Variants in ZXDC observed in about 807,000 individuals in gnomAD.
The protein encoded by ZXDC is ZXD family zinc finger C, also known as zinc finger protein ZXDC.
ZXDC carries 58 observed loss-of-function variants against 63.6 expected under a neutral mutation model. The ratio of observed to expected loss-of-function variants is 0.91; its 90% confidence interval spans 0.74 to 1.13. The LOEUF (loss-of-function observed/expected upper bound fraction) is 1.13, where lower values mean the gene tolerates loss of function less well. Among genes scored for constraint, ZXDC ranks in the 50% most tolerant of loss-of-function variants. The pLI, the probability that ZXDC is intolerant of heterozygous loss-of-function variation, is 0.00. For synonymous variants in ZXDC, 561 were observed against 496.1 expected (o/e 1.13, Z -1.74); for missense variants, 1,133 against 1,148.9 (o/e 0.99, Z 0.20).
At chr3:126,442,579 T>C (rs1002920300) in intron 7 of ZXDC, 3 of 152,268 alleles carry the variant, frequency 2.0e-5, no homozygotes, top group Non-Finnish European at 2.9e-5. Flanking sequence ...CCACCCACTC[T>C]GCTCCAGGGA....
rs1310544744 is a variant in ZXDC, at chr3:126,441,543, AAC to A, written c.2394+220_2394+221del. 2.3e-6 allele frequency: 3 copies of A among 1,309,700 alleles called. No individual in the cohort carries two copies. In the East Asian group the frequency reaches 8.8e-5, roughly 39 times the overall value. The allele number at this position is 1,309,700 out of a possible 1,614,324, so 81.1% of individuals were successfully genotyped here. A position where few individuals can be genotyped will look rare whatever the true frequency, so the allele number is the denominator to read the frequency against. On this transcript the variant is annotated intron_variant, in intron 8 of 9. Transcript: ENST00000389709. ...CAGGAAGTGGATGCACGGTCCCAGC[AAC>A]ACTCAGAGCTTGAGCAGATGCAGGA...
At chr3:126,448,403 T>A (rs542443408) in intron 7 of ZXDC, among the ~76,000 whole-genome samples, 1 of 152,062 alleles carries the variant, frequency 6.6e-6, no homozygotes, top group Non-Finnish European at 1.5e-5. Flanking sequence ...AAACCCACAA[T>A]AGATGAGCAA....
rs1935010887 is a variant in ZXDC at position 126,472,269 on chromosome 3, A to C, written c.944T>G (p.Phe315Cys). 6.2e-6 allele frequency: 10 copies of C among 1,612,562 alleles called. No homozygotes were observed. The highest frequency in any genetic ancestry group is 6.8e-6 in the Non-Finnish European group (8 of 1,178,614). ...EKTFITVSAL[F>C]SHNRAHFREQ... ...CCTGAAGTGGGCTCGGTTATGGGAA[A>C]ACAGGGCACTCACTGTGATAAATGT... Residue 315 changes from phenylalanine to cysteine, a missense_variant, in exon 2 of 10, where the codon TTT (phenylalanine) becomes TGT (cysteine). Phe to Cys is a radical substitution (Grantham distance 205). Coordinates refer to ENST00000389709, the MANE Select transcript of ZXDC (RefSeq NM_025112.5).
chr3:126,462,439 C>A (rs537406696), intron 5 of ZXDC, among the ~76,000 whole-genome samples: 1 of 152,290 alleles, frequency 6.6e-6, no homozygotes, highest in East Asian at 1.9e-4. Context: ...TGGCTGAAAT[C>A]AGACACTTTA....
Position 126,461,910 on chromosome 3 carries a change from G to A in ZXDC, c.1752C>T (p.Leu584=), listed in dbSNP as rs573894842. 83 of 1,614,168 alleles carry A rather than the reference G, an allele frequency of 5.1e-5. No individual in the cohort carries two copies. The highest frequency in any genetic ancestry group is 6.5e-5 in the Non-Finnish European group (77 of 1,180,026). ...IPPSLDSPLV[L]GTAATVLQQG... is the part of the protein sequence containing the mutation. Reference sequence around the variant, plus strand: ...GCTGCAGAACCGTGGCTGCTGTCCCGAGAACCAGAGGGCTGTCCAGGCTTG... The same window carrying A: ...GCTGCAGAACCGTGGCTGCTGTCCCAAGAACCAGAGGGCTGTCCAGGCTTG... Residue 584 remains leucine (L), a synonymous_variant, in exon 6 of 10, where the codon CTC becomes CTT. Transcript: ENST00000389709.
chr3:126,470,390 C>T (rs890031198), intron 4 of ZXDC, among the ~76,000 whole-genome samples: 1 of 152,304 alleles, frequency 6.6e-6, no homozygotes, highest in Non-Finnish European at 1.5e-5. Context: ...TCACTTAAAC[C>T]TGGGAGGCAG....
At chr3:126,450,480 C>CATCCAA in intron 7 of ZXDC, 2 of 456,738 alleles carry the variant, frequency 4.4e-6, no homozygotes, top group Non-Finnish European at 8.8e-6. Context: ...AAGATGCCCT[C>CATCCAA]ATCCAAATCC....
chr3:126,471,091 T>C, intron 3 of ZXDC, 66 bp from the exon 4 acceptor site: 1 of 1,558,374 alleles, frequency 6.4e-7, no homozygotes, highest in Non-Finnish European at 8.7e-7. Flanking sequence ...TTTAAAATTC[T>C]ACAAAACATA....
chr3:126,441,899 G>T lies in ZXDC; in HGVS notation c.2260C>A (p.Pro754Thr). ...QRKIKEGKMSPPHFHASQNSW... is the reference protein window; with the variant it reads ...QRKIKEGKMSTPHFHASQNSW... ...TTCTGGCTTGCATGGAAATGGGGAG[G>T]ACTCATTTTGCCTTCTTTTATTTTT... The change falls in exon 8 of 10, where the codon CCT becomes ACT. Residue 754 changes from proline to threonine, a missense_variant. Transcript: ENST00000389709. 1 of 1,612,612 alleles carries T rather than the reference G, an allele frequency of 6.2e-7. No individual in the cohort carries two copies. The highest frequency in any genetic ancestry group is 1.3e-5 in the African/African-American group (1 of 74,980).
At chr3:126,453,269 C>T (rs531756799) in intron 7 of ZXDC, 2 of 985,356 alleles carry the variant, frequency 2.0e-6, no homozygotes, top group East Asian at 1.1e-4. Context: ...GTGGAATTTA[C>T]TTAATGCTTT....
intron 7 of ZXDC, among the ~76,000 whole-genome samples, chr3:126,446,670 G>A (rs1358081449): frequency 6.6e-6 from 1 of 152,216 alleles, no homozygotes; most frequent in Non-Finnish European, 1.5e-5. Context: ...AAGGGTGGAA[G>A]ATCAGAGGTC....
At chr3:126,451,154 A>G in intron 7 of ZXDC, 1 of 985,380 alleles carries the variant, frequency 1.0e-6, no homozygotes, top group Non-Finnish European at 1.2e-6. Flanking sequence ...TGTTTTAATT[A>G]CACAAAGTAT....
chr3:126,439,830 C>G (rs1933611447), intron 8 of ZXDC, 103 bp from the exon 9 acceptor site: 1 of 1,462,718 alleles, frequency 6.8e-7, no homozygotes, highest in African/African-American at 1.4e-5. Context: ...CGTGGCAGAA[C>G]CAGCCCACCC....
At chr3:126,466,555 C>T (rs758596131) in intron 4 of ZXDC, among the ~76,000 whole-genome samples, 2 of 152,316 alleles carry the variant, frequency 1.3e-5, no homozygotes, top group East Asian at 3.9e-4. Flanking sequence ...GATTTGAAGT[C>T]CTACCTCAGC....
chr3:126,461,346 T>C, intron 6 of ZXDC, 189 bp downstream of exon 6: 12 of 1,374,286 alleles, frequency 8.7e-6, no homozygotes, highest in Non-Finnish European at 1.1e-5. Context: ...AATGAGAATT[T>C]AAGGCTCAGA....
intron 1 of ZXDC, among the ~76,000 whole-genome samples, chr3:126,472,913 C>G (rs1431127586): frequency 6.6e-6 from 1 of 152,202 alleles, no homozygotes; most frequent in African/African-American, 2.4e-5. Context: ...CTCAACAATT[C>G]CACAGCAATA....
chr3:126,475,406 C>A lies in ZXDC; in HGVS notation c.460G>T (p.Ala154Ser), dbSNP rs1374808903. The change falls in exon 1 of 10, where the codon GCA (alanine) becomes TCA (serine). Residue 154 changes from alanine to serine, a missense_variant. Transcript: ENST00000389709. ...CGGGGAGCGGCGGCGCCCGCGGTTG[C>A]GGGGCCGGGCGGCGCAGACAGCGCG... ...VLALSAPPGPATAGAAAPRRA... is the reference protein window; with the variant it reads ...VLALSAPPGPSTAGAAAPRRA... 36 of 1,185,174 alleles carry A rather than the reference C, an allele frequency of 3.0e-5. No individual in the cohort carries two copies. Among genetic ancestry groups the A allele is most frequent in the Non-Finnish European group, 3.6e-5 (34 of 956,948 alleles). 73.4% of individuals were successfully genotyped at this position (1,185,174 alleles called of 1,614,324 possible).
intron 9 of ZXDC, 125 bp downstream of exon 9, chr3:126,439,507 A>C (rs1576656474): frequency 6.7e-7 from 1 of 1,503,528 alleles, no homozygotes; most frequent in Non-Finnish European, 9.0e-7. Context: ...CTGGCAACCA[A>C]CCCACTGAGC....
chr3:126,461,383 T>C (rs1216570506), intron 6 of ZXDC, 152 bp downstream of exon 6: 2 of 1,422,100 alleles, frequency 1.4e-6, no homozygotes, highest in African/African-American at 2.9e-5. Context: ...GTCAAGGTCA[T>C]AAGAACTTGT....
Sources: gnomAD v4.1 joint callset for allele counts (sites outside exome capture counted in the v4.1 genomes callset) on GRCh38, gnomAD v4.1.1 for gene constraint, MANE v1.5 for transcripts, NCBI Gene and HGNC (gene_info 2026-07-23, HGNC 2026-07-21) for gene names.